FNBP1L: variants seen among roughly 807,000 people sequenced by gnomAD.
The protein encoded by FNBP1L is formin binding protein 1 like.
A neutral mutation model predicts 91.2 loss-of-function variants in FNBP1L; 36 were observed. The observed-to-expected ratio is 0.39, with a 90% CI of 0.30 to 0.52. The LOEUF is 0.52. Ranked by LOEUF, FNBP1L falls within the 20% of genes least tolerant of loss-of-function variation. The pLI, the probability that FNBP1L is intolerant of heterozygous loss-of-function variation, is 0.66. For synonymous variants in FNBP1L, 242 were observed against 237.0 expected (o/e 1.02, Z -0.19); for missense variants, 571 against 732.1 (o/e 0.78, Z 2.54).
At position 93,552,542 on chromosome 1, in the gene FNBP1L, C is replaced by A; in HGVS notation, c.*126C>A. On this transcript the variant is annotated 3_prime_UTR_variant, in exon 17 of 17. Coordinates refer to ENST00000271234, the MANE Select transcript of FNBP1L (RefSeq NM_001164473.3). Reference sequence around the variant, plus strand: ...AGCAAGTTGCATGAGTGCATGCAGACATGATTTTTTTTTTACTAACTTCAT... The same window carrying A: ...AGCAAGTTGCATGAGTGCATGCAGAAATGATTTTTTTTTTACTAACTTCAT... 1 of 947,652 alleles carries A rather than the reference C, an allele frequency of 1.1e-6. No individual in the cohort carries two copies. Among genetic ancestry groups the A allele is most frequent in the Non-Finnish European group, 1.5e-6 (1 of 659,364 alleles). 58.7% of individuals were successfully genotyped at this position (947,652 alleles called of 1,614,324 possible).
chr1:93,455,397 C>T (rs1299129404), intron 1 of FNBP1L, among the ~76,000 whole-genome samples: 1 of 152,236 alleles, frequency 6.6e-6, no homozygotes, highest in Non-Finnish European at 1.5e-5. Flanking sequence ...CTGTATTGCT[C>T]AGTCTGGTCG....
intron 1 of FNBP1L, chr1:93,488,345 C>T (rs1669979345): frequency 6.6e-6 from 1 of 151,948 alleles, no homozygotes. Context: ...CCTGTAGCAC[C>T]CAGTATACCC....
At position 93,448,313 on chromosome 1, in the gene FNBP1L, G is replaced by T; in HGVS notation, c.24+8G>T. The T allele has an allele frequency of 6.6e-7, 1 of 1,508,400 alleles. No homozygotes were observed. Among genetic ancestry groups the T allele is most frequent in the Non-Finnish European group, 8.9e-7 (1 of 1,129,384 alleles). 93.4% of individuals were successfully genotyped at this position (1,508,400 alleles called of 1,614,324 possible). ...TGGGGCACGGAGCTGTGGGTGAGTC[G>T]GGGAGAGGGGCGCCCCGCACGGACC... is the stretch of plus-strand genomic sequence containing the variant. On this transcript the variant is annotated splice_region_variant and intron_variant, in intron 1 of 16. Transcript: ENST00000271234.
Position 93,448,246 on chromosome 1 carries a change from G to C in FNBP1L, c.-36G>C. The C allele has an allele frequency of 6.6e-7, 1 of 1,521,244 alleles. No homozygotes were observed. Among genetic ancestry groups the C allele is most frequent in the Non-Finnish European group, 8.8e-7 (1 of 1,134,182 alleles). 94.2% of individuals were successfully genotyped at this position (1,521,244 alleles called of 1,614,324 possible). On this transcript the variant is annotated 5_prime_UTR_variant, in exon 1 of 17. Coordinates refer to ENST00000271234, the MANE Select transcript of FNBP1L (RefSeq NM_001164473.3). The stretch of plus-strand genomic sequence containing the variant: ...AGACTGTGGAGCCGACAGACTGAAG[G>C]ACAGCGGCACCGCCAGACGGCCAGA...
intron 1 of FNBP1L, among the ~76,000 whole-genome samples, chr1:93,481,826 C>T (rs1156964294): frequency 6.6e-6 from 1 of 152,058 alleles, no homozygotes; most frequent in Non-Finnish European, 1.5e-5. Context: ...AAGTGTTGGT[C>T]TGTATTTAGG....
chr1:93,464,389 T>G lies in FNBP1L; in HGVS notation c.24+16084T>G, dbSNP rs1834584. Among the ~76,000 whole-genome samples, 283 of 152,306 alleles carry G rather than the reference T, an allele frequency of 1.9e-3. 9 individuals carry two copies. In the East Asian group the frequency reaches 0.049, roughly 26 times the overall value. On this transcript the variant is annotated intron_variant, in intron 1 of 16. Coordinates refer to ENST00000271234, the MANE Select transcript of FNBP1L (RefSeq NM_001164473.3). ...GTATACTATTTACTAAACACAATAT[T>G]TGTATTCTGAAAATTGCCTCTATGT...
At chr1:93,468,806 A>G (rs1289130827) in intron 1 of FNBP1L, among the ~76,000 whole-genome samples, 1 of 152,128 alleles carries the variant, frequency 6.6e-6, no homozygotes, top group Non-Finnish European at 1.5e-5. Context: ...GTTGAGTCAT[A>G]TGGTAACTCT....
At chr1:93,459,704 A>G (rs1175681823) in intron 1 of FNBP1L, among the ~76,000 whole-genome samples, 3 of 152,224 alleles carry the variant, frequency 2.0e-5, no homozygotes, top group East Asian at 1.9e-4. Context: ...CATATGGCCT[A>G]GCATCCCACT....
intron 11 of FNBP1L, among the ~76,000 whole-genome samples, chr1:93,543,155 G>C (rs1176550133): frequency 6.6e-6 from 1 of 152,056 alleles, no homozygotes; most frequent in African/African-American, 2.4e-5. Context: ...TCAATTTCTG[G>C]AGTATATATA....
intron 1 of FNBP1L, among the ~76,000 whole-genome samples, chr1:93,475,862 CA>C (rs1445856604): frequency 3.9e-5 from 6 of 152,242 alleles, no homozygotes; most frequent in Admixed American, 3.9e-4. Context: ...ACTAACTTTA[CA>C]GAGTTGTGAA....
intron 2 of FNBP1L, among the ~76,000 whole-genome samples, chr1:93,512,930 A>T (rs1283535669): frequency 6.6e-6 from 1 of 151,986 alleles, no homozygotes; most frequent in Non-Finnish European, 1.5e-5. Context: ...ATCAGAGCAG[A>T]ACTGAAGGAA....
chr1:93,489,167 CA>C (rs1294515034), intron 1 of FNBP1L, among the ~76,000 whole-genome samples: 1 of 152,056 alleles, frequency 6.6e-6, no homozygotes, highest in African/African-American at 2.4e-5. Flanking sequence ...AACCATAAAT[CA>C]GGGTTGAAAT....
chr1:93,456,711 C>T (rs1266281090), intron 1 of FNBP1L, among the ~76,000 whole-genome samples: 1 of 149,092 alleles, frequency 6.7e-6, no homozygotes, highest in African/African-American at 2.5e-5. Context: ...GCCCAGGAGT[C>T]GAGGCTGCAG....
At chr1:93,492,315 A>G (rs901078044) in intron 1 of FNBP1L, among the ~76,000 whole-genome samples, 1 of 152,178 alleles carries the variant, frequency 6.6e-6, no homozygotes, top group Non-Finnish European at 1.5e-5. Context: ...CAGTAAAACC[A>G]TATTAGTAGG....
intron 15 of FNBP1L, among the ~76,000 whole-genome samples, chr1:93,549,678 T>A (rs1043153289): frequency 6.6e-6 from 1 of 152,216 alleles, no homozygotes; most frequent in Non-Finnish European, 1.5e-5. Flanking sequence ...ATTATCAATT[T>A]TGGTCAGTGC....
chr1:93,469,746 G>C (rs1009378839), intron 1 of FNBP1L, among the ~76,000 whole-genome samples: 1 of 152,106 alleles, frequency 6.6e-6, no homozygotes, highest in African/African-American at 2.4e-5. Flanking sequence ...TGAGGCGGGA[G>C]GATCACTTGA....
At chr1:93,475,373 G>A (rs575968913) in intron 1 of FNBP1L, among the ~76,000 whole-genome samples, 1 of 151,802 alleles carries the variant, frequency 6.6e-6, no homozygotes. Flanking sequence ...AGACACCTTC[G>A]TCTAAAAAAA....
At chr1:93,536,621 T>A in intron 10 of FNBP1L, 131 bp downstream of exon 10, 1 of 776,980 alleles carries the variant, frequency 1.3e-6, no homozygotes, top group Non-Finnish European at 1.8e-6. Context: ...GAATTAAGAA[T>A]AGCTGCCCTC....
intron 15 of FNBP1L, among the ~76,000 whole-genome samples, chr1:93,549,919 TACTG>T (rs1315185339): frequency 6.6e-6 from 1 of 152,234 alleles, no homozygotes; most frequent in African/African-American, 2.4e-5. Flanking sequence ...ATGTAGTAGC[TACTG>T]ACTATGTTAT....
Sources: allele counts gnomAD v4.1 joint callset (sites outside exome capture counted in the v4.1 genomes callset), GRCh38; gene constraint gnomAD v4.1.1; transcripts MANE v1.5; gene names NCBI Gene and HGNC (gene_info 2026-07-23, HGNC 2026-07-21).